Variants in UTRN observed in about 807,000 individuals in gnomAD.
UTRN encodes the protein utrophin.
UTRN carries 283 observed loss-of-function variants against 463.9 expected under a neutral mutation model. The observed-to-expected ratio is 0.61, with a 90% CI of 0.55 to 0.67. The LOEUF (loss-of-function observed/expected upper bound fraction) is 0.67, where lower values mean the gene tolerates loss of function less well. UTRN is among the 30% of genes least tolerant of loss of function. The pLI is 0.00. For missense variants in UTRN, 3,922 were observed against 4,084.3 expected (o/e 0.96, Z 1.08); for synonymous variants, 1,442 against 1,431.5 (o/e 1.01, Z -0.17).
chr6:144,680,614 G>A (rs1371821587), intron 52 of UTRN, among the ~76,000 whole-genome samples: 1 of 152,146 alleles, frequency 6.6e-6, no homozygotes, highest in Admixed American at 6.6e-5. Flanking sequence ...TTAATAAGAT[G>A]TAGTCCCTAC....
intron 34 of UTRN, among the ~76,000 whole-genome samples, chr6:144,509,760 C>T (rs1311234273): frequency 6.6e-6 from 1 of 151,976 alleles, no homozygotes; most frequent in Non-Finnish European, 1.5e-5. Flanking sequence ...TGTTTTTATT[C>T]CATAACTTAA....
chr6:144,451,194 C>A (rs1430841252), intron 17 of UTRN, among the ~76,000 whole-genome samples, 176 bp from the exon 18 acceptor site: 1 of 152,158 alleles, frequency 6.6e-6, no homozygotes, highest in Admixed American at 6.5e-5. Context: ...TCTTTTCATA[C>A]TTTTAGTTGT....
intron 2 of UTRN, among the ~76,000 whole-genome samples, chr6:144,374,485 C>G (rs1780270022): frequency 1.3e-5 from 2 of 150,876 alleles, no homozygotes; most frequent in Non-Finnish European, 2.9e-5. Flanking sequence ...CTACTAAAAA[C>G]ACAATTTTTT....
chr6:144,697,259 A>C (rs1322925328), intron 52 of UTRN, among the ~76,000 whole-genome samples: 1 of 152,182 alleles, frequency 6.6e-6, no homozygotes, highest in African/African-American at 2.4e-5. Flanking sequence ...AATTGTCTAA[A>C]AATATGAATG....
chr6:144,694,510 A>C (rs985995409), intron 52 of UTRN, among the ~76,000 whole-genome samples: 2 of 152,070 alleles, frequency 1.3e-5, no homozygotes, highest in South Asian at 4.1e-4. Flanking sequence ...CTATGAATCC[A>C]TCTGGTCCTG....
intron 3 of UTRN, among the ~76,000 whole-genome samples, chr6:144,411,490 G>T (rs942284606): frequency 1.3e-5 from 2 of 152,020 alleles, no homozygotes; most frequent in Non-Finnish European, 2.9e-5. Context: ...GCCTCTGGCC[G>T]CCAGGTATCT....
intron 2 of UTRN, among the ~76,000 whole-genome samples, chr6:144,315,499 G>C (rs564609796): frequency 3.8e-4 from 58 of 152,314 alleles, no homozygotes; most frequent in African/African-American, 1.3e-3. Context: ...AGGGCCCGAT[G>C]CCAAACTCTT....
At chr6:144,625,310 C>T (rs1299456194) in intron 51 of UTRN, among the ~76,000 whole-genome samples, 14 of 152,028 alleles carry the variant, frequency 9.2e-5, no homozygotes, top group Admixed American at 9.2e-4. Context: ...TTTTAGATAC[C>T]CTTACTGGCT....
chr6:144,630,427 G>A (rs1378293330), intron 51 of UTRN, among the ~76,000 whole-genome samples: 3 of 152,202 alleles, frequency 2.0e-5, no homozygotes, highest in Non-Finnish European at 4.4e-5. Flanking sequence ...CCTCACAATC[G>A]TGGTGGAAGG....
chr6:144,356,891 G>GTA (rs1386293048), intron 2 of UTRN, among the ~76,000 whole-genome samples: 1 of 149,204 alleles, frequency 6.7e-6, no homozygotes, highest in Admixed American at 6.7e-5. Context: ...ATATGTGTGT[G>GTA]TATATATACA....
chr6:144,717,729 G>A (rs1031229579), intron 53 of UTRN, among the ~76,000 whole-genome samples: 22 of 144,232 alleles, frequency 1.5e-4, no homozygotes, highest in East Asian at 1.1e-3. Flanking sequence ...TCCGCCTCCC[G>A]GGTCCAAATG....
At chr6:144,549,011 T>C (rs1358859307) in intron 47 of UTRN, among the ~76,000 whole-genome samples, 157 bp downstream of exon 47, 3 of 152,232 alleles carry the variant, frequency 2.0e-5, no homozygotes, top group East Asian at 1.9e-4. Context: ...CTACAAAGCA[T>C]AGAGCTTTTC....
At chr6:144,724,290 GCAATCTCAGC>G (rs1787589885) in intron 53 of UTRN, among the ~76,000 whole-genome samples, 1 of 140,156 alleles carries the variant, frequency 7.1e-6, no homozygotes, top group South Asian at 2.4e-4. Flanking sequence ...GTGCAGTGGC[GCAATCTCAGC>G]CCACTGCAAC....
intron 23 of UTRN, among the ~76,000 whole-genome samples, chr6:144,472,328 G>A (rs1327457373): frequency 8.0e-6 from 1 of 124,914 alleles, no homozygotes; most frequent in African/African-American, 3.0e-5. Context: ...TTTTTTTTTT[G>A]GAGGAGGAAG....
chr6:144,830,742 T>C (rs1236474276), intron 69 of UTRN, among the ~76,000 whole-genome samples: 1 of 149,810 alleles, frequency 6.7e-6, no homozygotes, highest in Non-Finnish European at 1.5e-5. Context: ...TTTTTTTTGC[T>C]TTTTTAGCTC....
chr6:144,491,113 T>G lies in UTRN; in HGVS notation c.4437+11T>G, dbSNP rs1287535350. ...CTGGACAAGTGTATGGTGAGGCTTT[T>G]GGGTGATTGGCACATCCAGTGGCTT... On this transcript the variant is annotated intron_variant, in intron 32 of 74. Transcript: ENST00000367545. 1.9e-6 allele frequency: 3 copies of G among 1,586,434 alleles called. No homozygotes were observed. Among genetic ancestry groups the G allele is most frequent in the Non-Finnish European group, 2.6e-6 (3 of 1,167,084 alleles).
At chr6:144,587,509 A>ATT (rs1336180403) in intron 51 of UTRN, among the ~76,000 whole-genome samples, 3 of 152,178 alleles carry the variant, frequency 2.0e-5, no homozygotes, top group African/African-American at 7.2e-5. Context: ...ATGTTCACTG[A>ATT]TGAAGTAAGG....
chr6:144,388,062 T>C (rs1781561595), intron 2 of UTRN, among the ~76,000 whole-genome samples: 1 of 152,184 alleles, frequency 6.6e-6, no homozygotes, highest in African/African-American at 2.4e-5. Context: ...ACAGAAGGTA[T>C]TACGTATTTA....
chr6:144,299,692 A>G (rs1805058661), intron 2 of UTRN, among the ~76,000 whole-genome samples: 2 of 152,104 alleles, frequency 1.3e-5, no homozygotes, highest in South Asian at 4.1e-4. Flanking sequence ...GGAATGCATC[A>G]GCTTAGAGTC....
Sources: gnomAD v4.1 joint callset for allele counts (sites outside exome capture counted in the v4.1 genomes callset) on GRCh38, gnomAD v4.1.1 for gene constraint, MANE v1.5 for transcripts, NCBI Gene and HGNC (gene_info 2026-07-23, HGNC 2026-07-21) for gene names.